The following ADAMTS17 variants were observed in gnomAD, a reference collection of about 807,000 sequenced individuals.
The protein encoded by ADAMTS17 is ADAM metallopeptidase with thrombospondin type 1 motif 17.
A neutral mutation model predicts 141.5 loss-of-function variants in ADAMTS17; 113 were observed. That is an observed-to-expected ratio of 0.80 (90% confidence interval 0.69 to 0.93). The LOEUF (loss-of-function observed/expected upper bound fraction) is 0.93. Among genes scored for constraint, ADAMTS17 ranks in the 40% least tolerant of loss-of-function variants. The probability of loss-of-function intolerance (pLI) is 0.00; values close to 1 mark genes in which losing one functional copy is unlikely to be tolerated. For synonymous variants in ADAMTS17, 768 were observed against 630.6 expected, an observed-to-expected ratio of 1.22 and a Z score of -3.27; for missense variants, 1,659 against 1,517.9, an observed-to-expected ratio of 1.09 and a Z score of -1.54.
At chr15:100,253,119 T>C (rs1371943417) in intron 7 of ADAMTS17, among the ~76,000 whole-genome samples, 1 of 151,810 alleles carries the variant, frequency 6.6e-6, no homozygotes, top group Non-Finnish European at 1.5e-5. Context: ...ATTCTAAACA[T>C]ACACGATTCA....
chr15:100,086,556 C>A (rs1000416964), intron 15 of ADAMTS17, among the ~76,000 whole-genome samples: 2 of 152,162 alleles, frequency 1.3e-5, no homozygotes, highest in African/African-American at 4.8e-5. Flanking sequence ...CTTCTCAGCA[C>A]CACACCACAC....
At chr15:100,142,482 C>T (rs1352044093) in intron 10 of ADAMTS17, among the ~76,000 whole-genome samples, 4 of 152,242 alleles carry the variant, frequency 2.6e-5, no homozygotes, top group African/African-American at 7.2e-5. Flanking sequence ...TGGCTCCAGG[C>T]GACAAGGAGG....
chr15:100,300,757 C>T (rs2045002008), intron 3 of ADAMTS17, among the ~76,000 whole-genome samples: 1 of 152,226 alleles, frequency 6.6e-6, no homozygotes, highest in Non-Finnish European at 1.5e-5. Context: ...TCCAGCATCT[C>T]ATCTCTTGTC....
In ADAMTS17 at chr15:99,974,203, T is replaced by C; in HGVS notation, c.*199A>G. On this transcript the variant is annotated 3_prime_UTR_variant, in exon 22 of 22. Transcript: ENST00000268070. ...TGACTCATGCCTACTTTCTCCTCAC[T>C]GTAGAAAGCCAGCCAGTGGCTGTTA... 3.1e-6 allele frequency: 2 copies of C among 655,034 alleles called. No homozygotes were observed. Among genetic ancestry groups the C allele is most frequent in the Non-Finnish European group, 2.6e-6 (1 of 380,980 alleles). 40.6% of individuals were successfully genotyped at this position (655,034 alleles called of 1,614,324 possible). A position where few individuals can be genotyped will look rare whatever the true frequency, so the allele number is the denominator to read the frequency against.
intron 7 of ADAMTS17, among the ~76,000 whole-genome samples, chr15:100,202,730 G>T (rs1039492628): frequency 2.6e-5 from 4 of 152,188 alleles, no homozygotes; most frequent in Non-Finnish European, 5.9e-5. Context: ...CACCAAGCTG[G>T]GAAAACCCGC....
At chr15:100,069,719 G>T (rs1238003120) in intron 15 of ADAMTS17, among the ~76,000 whole-genome samples, 1 of 151,336 alleles carries the variant, frequency 6.6e-6, no homozygotes, top group Non-Finnish European at 1.5e-5. Context: ...CACCAGGCCT[G>T]CCCTACAAGA....
intron 7 of ADAMTS17, among the ~76,000 whole-genome samples, chr15:100,208,337 A>C (rs1472474974): frequency 6.6e-6 from 1 of 152,168 alleles, no homozygotes; most frequent in African/African-American, 2.4e-5. Context: ...AAAATCACAA[A>C]TGCATAAGGC....
In ADAMTS17 at chr15:100,178,053, T is replaced by C. The variant is rs373425772; in HGVS notation, c.1181+21265A>G. Among the ~76,000 whole-genome samples the C allele has an allele frequency of 3.2e-4, 49 of 152,286 alleles. 2 individuals carry two copies. Among genetic ancestry groups the C allele is most frequent in the Admixed American group, 1.8e-3 (27 of 15,302 alleles). Reference sequence around the variant, plus strand: ...TTTAAAATTTTACATTCAATCTACCTATGTCATTATGTTTGAAATGAGTTT... The same window carrying C: ...TTTAAAATTTTACATTCAATCTACCCATGTCATTATGTTTGAAATGAGTTT... On this transcript the variant is annotated intron_variant, in intron 8 of 21. Transcript: ENST00000268070.
At chr15:100,114,892 C>A (rs188639861) in intron 13 of ADAMTS17, among the ~76,000 whole-genome samples, 1 of 152,296 alleles carries the variant, frequency 6.6e-6, no homozygotes, top group African/African-American at 2.4e-5. Flanking sequence ...TTAATCTGGA[C>A]TTGGAGAAAT....
At chr15:100,167,820 T>C (rs1329450116) in intron 8 of ADAMTS17, among the ~76,000 whole-genome samples, 1 of 152,242 alleles carries the variant, frequency 6.6e-6, no homozygotes, top group Non-Finnish European at 1.5e-5. Flanking sequence ...CGATAATTTA[T>C]GCAGAAAACC....
At chr15:100,341,431 G>A (rs2046363429) in intron 1 of ADAMTS17, 22 bp from the exon 2 acceptor site, 5 of 1,013,832 alleles carry the variant, frequency 4.9e-6, no homozygotes, top group Admixed American at 5.9e-5. Flanking sequence ...GAGGAGACGC[G>A]TCAGCGCGGC....
intron 20 of ADAMTS17, among the ~76,000 whole-genome samples, chr15:99,985,210 G>A (rs1168827554): frequency 6.6e-6 from 1 of 152,212 alleles, no homozygotes; most frequent in Non-Finnish European, 1.5e-5. Context: ...CCCCTGCCCA[G>A]AAAAGCACTG....
intron 3 of ADAMTS17, among the ~76,000 whole-genome samples, chr15:100,321,426 A>T (rs75786090): frequency 0.1 from 15,755 of 152,282 alleles, 879 homozygotes; most frequent in Non-Finnish European, 0.12. Flanking sequence ...GACATTTTTT[A>T]AAAAATTCAA....
At chr15:100,330,849 G>A (rs2046028894) in intron 3 of ADAMTS17, 40 bp downstream of exon 3, 1 of 1,609,150 alleles carries the variant, frequency 6.2e-7, no homozygotes, top group African/African-American at 1.3e-5. Context: ...TGTGGGCTGT[G>A]CGTGTGTTCT....
At chr15:100,335,433 C>T (rs1345804404) in intron 2 of ADAMTS17, among the ~76,000 whole-genome samples, 1 of 152,196 alleles carries the variant, frequency 6.6e-6, no homozygotes, top group Non-Finnish European at 1.5e-5. Context: ...GGCTACCCTC[C>T]TCCCTCCCCA....
chr15:100,009,133 C>T (rs1020398211), intron 18 of ADAMTS17, among the ~76,000 whole-genome samples: 3 of 152,116 alleles, frequency 2.0e-5, no homozygotes, highest in African/African-American at 7.2e-5. Flanking sequence ...AGCCACTGCG[C>T]CTGGCATACC....
chr15:100,240,889 G>A (rs983751646), intron 7 of ADAMTS17, among the ~76,000 whole-genome samples: 2 of 152,142 alleles, frequency 1.3e-5, no homozygotes, highest in Non-Finnish European at 2.9e-5. Flanking sequence ...GCAGTGACAG[G>A]ATCTCAGCTC....
intron 8 of ADAMTS17, among the ~76,000 whole-genome samples, chr15:100,171,523 G>A (rs1416858365): frequency 2.0e-5 from 3 of 152,136 alleles, no homozygotes; most frequent in Non-Finnish European, 4.4e-5. Flanking sequence ...CTGTACCCCA[G>A]TGCCTTTGCT....
At chr15:100,046,849 T>G (rs1302563582) in intron 18 of ADAMTS17, among the ~76,000 whole-genome samples, 1 of 152,166 alleles carries the variant, frequency 6.6e-6, no homozygotes, top group East Asian at 1.9e-4. Context: ...AGCATGTGTG[T>G]TTGAACAATA....
Sources: allele counts gnomAD v4.1 joint callset (sites outside exome capture counted in the v4.1 genomes callset), GRCh38; gene constraint gnomAD v4.1.1; transcripts MANE v1.5; gene names NCBI Gene and HGNC (gene_info 2026-07-23, HGNC 2026-07-21).